ARHGEF10L: variants seen among roughly 807,000 people sequenced by gnomAD.
ARHGEF10L encodes rho guanine nucleotide exchange factor 10-like protein.
Under a neutral mutation model 141.2 loss-of-function variants are expected in ARHGEF10L, and 69 were observed. The observed-to-expected ratio is 0.49, with a 90% CI of 0.40 to 0.60. ARHGEF10L has a LOEUF of 0.60. Among genes scored for constraint, ARHGEF10L ranks in the 20% least tolerant of loss-of-function variants. The probability of loss-of-function intolerance (pLI) is 0.00; values close to 1 mark genes in which losing one functional copy is unlikely to be tolerated. For synonymous variants in ARHGEF10L, 711 were observed against 718.5 expected, an observed-to-expected ratio of 0.99 and a Z score of 0.17; for missense variants, 1,482 against 1,734.3, an observed-to-expected ratio of 0.85 and a Z score of 2.58.
Position 17,634,905 on chromosome 1 carries a change from C to T in ARHGEF10L, c.1816C>T (p.Pro606Ser), listed in dbSNP as rs2060910727. 6.2e-7 allele frequency: 1 copy of T among 1,614,068 alleles called. No individual in the cohort carries two copies. Among genetic ancestry groups the T allele is most frequent in the East Asian group, 2.2e-5 (1 of 44,860 alleles). The change falls in exon 18 of 29, where the codon CCC becomes TCC. Residue 606 changes from proline to serine, a missense_variant. By Grantham distance (74) the Pro-to-Ser change is moderately conservative (BLOSUM62 -1). Coordinates refer to ENST00000361221, the MANE Select transcript of ARHGEF10L (RefSeq NM_018125.4). ...TGTGGTGAAGTGGAACACGGCGCTG[C>T]CCCAGGTGCAGGTGGTGGAGGTGGG... ...KYVVKWNTAL[P>S]QVQVVEVGQD... is the part of the protein sequence containing the mutation.
intron 25 of ARHGEF10L, among the ~76,000 whole-genome samples, chr1:17,661,243 A>C (rs1054342615): frequency 6.6e-6 from 1 of 152,002 alleles, no homozygotes; most frequent in Non-Finnish European, 1.5e-5. Context: ...ACACCCAGCT[A>C]ATTTTTGTAT....
In ARHGEF10L at chr1:17,576,315, C is replaced by T. The variant is rs1173545871; in HGVS notation, c.-43-4238C>T. ...GACTAAATTAGCCAAGCCAGGAAGA[C>T]ACCTGCTGTGATGAGCTGGGCAGCT... On this transcript the variant is annotated intron_variant, in intron 1 of 28. Coordinates refer to ENST00000361221, the MANE Select transcript of ARHGEF10L (RefSeq NM_018125.4). Among the ~76,000 whole-genome samples, 4 of 152,166 alleles carry T rather than the reference C, an allele frequency of 2.6e-5. No individual in the cohort carries two copies. The East Asian group carries it at 7.8e-4, about 30-fold the overall frequency.
At chr1:17,664,388 T>C in intron 25 of ARHGEF10L, 59 bp from the exon 26 acceptor site, 1 of 1,564,190 alleles carries the variant, frequency 6.4e-7, no homozygotes, top group East Asian at 2.3e-5. Flanking sequence ...TGGCCTGCGT[T>C]CCCAGGAGAC....
intron 1 of ARHGEF10L, among the ~76,000 whole-genome samples, chr1:17,565,278 A>G (rs1002617343): frequency 6.6e-6 from 1 of 152,180 alleles, no homozygotes; most frequent in Non-Finnish European, 1.5e-5. Flanking sequence ...CTTGGGGGTG[A>G]GGTTTCCGCA....
chr1:17,693,545 A>T (rs529007947), intron 27 of ARHGEF10L, among the ~76,000 whole-genome samples: 1 of 152,312 alleles, frequency 6.6e-6, no homozygotes, highest in African/African-American at 2.4e-5. Context: ...GTCATGCCCA[A>T]GGAGGGAGAG....
chr1:17,578,485 G>A (rs946337971), intron 1 of ARHGEF10L, among the ~76,000 whole-genome samples: 7 of 152,116 alleles, frequency 4.6e-5, no homozygotes, highest in African/African-American at 1.7e-4. Context: ...AGGAGTTTGG[G>A]ACCAGCCTGG....
chr1:17,675,469 ACAGGTGTGTGTG>A (rs1417023512), intron 26 of ARHGEF10L, among the ~76,000 whole-genome samples: 4 of 146,110 alleles, frequency 2.7e-5, no homozygotes, highest in African/African-American at 5.1e-5. Flanking sequence ...AGGTGTGGGT[ACAGGTGTGTGTG>A]CAGGTGTGTG....
Position 17,656,010 on chromosome 1 carries a change from G to A in ARHGEF10L, c.2613G>A (p.Glu871=). 6.4e-7 allele frequency: 1 copy of A among 1,572,646 alleles called. No homozygotes were observed. The part of the protein sequence containing the change: ...VLCMEYIPEL[E]EEAESRDESP... ...GCATGGAGTATATCCCGGAGCTGGA[G>A]GAGGAGGCGGAGAGCAGAGACGAGA... The change falls in exon 24 of 29, where the codon GAG becomes GAA. Residue 871 remains glutamate (E), a synonymous_variant. Coordinates refer to ENST00000361221, the MANE Select transcript of ARHGEF10L (RefSeq NM_018125.4). This position sits in a 1 kb window ranked among gnomAD's most constrained non-coding sequence, Gnocchi z 4.9.
chr1:17,625,077 A>C lies in ARHGEF10L; in HGVS notation c.1317+574A>C, dbSNP rs915620124. On this transcript the variant is annotated intron_variant, in intron 13 of 28. Transcript: ENST00000361221. The surrounding 1 kb of genome is among the most constrained non-coding windows in gnomAD (Gnocchi z 4.5). ...GGGCTAGGTGCCAGGACACGCACAC[A>C]TGTGCCGGCAGCACAGGTTAGATGC... Among the ~76,000 whole-genome samples, 7 of 152,202 alleles carry C rather than the reference A, an allele frequency of 4.6e-5. No homozygotes were observed. Among genetic ancestry groups the C allele is most frequent in the African/African-American group, 1.4e-4 (6 of 41,444 alleles).
chr1:17,672,657 A>C (rs2063397331), intron 26 of ARHGEF10L, among the ~76,000 whole-genome samples: 1 of 152,058 alleles, frequency 6.6e-6, no homozygotes, highest in African/African-American at 2.4e-5. Context: ...TGAGAAATGG[A>C]TTTTCTAAAG....
chr1:17,640,109 G>T (rs1227790266), intron 20 of ARHGEF10L, 93 bp from the exon 21 acceptor site: 16 of 1,511,784 alleles, frequency 1.1e-5, no homozygotes, highest in Non-Finnish European at 1.3e-5. Flanking sequence ...GATCTCCAGG[G>T]CGCGTGGGTT....
intron 15 of ARHGEF10L, among the ~76,000 whole-genome samples, chr1:17,629,837 C>T (rs1009027872): frequency 3.3e-5 from 5 of 152,230 alleles, no homozygotes; most frequent in Non-Finnish European, 7.3e-5. Flanking sequence ...TCTTCGGTGA[C>T]CAAGAGGCTT....
intron 1 of ARHGEF10L, among the ~76,000 whole-genome samples, chr1:17,548,565 C>T (rs932013724): frequency 1.3e-5 from 2 of 151,872 alleles, no homozygotes; most frequent in Non-Finnish European, 1.5e-5. Flanking sequence ...AAATGTGTGC[C>T]CTGCTTTTAG....
Position 17,627,027 on chromosome 1 carries a change from C to T in ARHGEF10L, c.1411-303C>T, listed in dbSNP as rs575355613. On this transcript the variant is annotated intron_variant, in intron 14 of 28. Transcript: ENST00000361221. This position sits in a 1 kb window ranked among gnomAD's most constrained non-coding sequence, Gnocchi z 4.0. ...GTTAGTCTGTCGACGGACATTTTTG[C>T]CTCCACATTTTGGCGACTGTGGCTA... 7.2e-5 allele frequency among the ~76,000 whole-genome samples: 11 copies of T among 152,230 alleles called. No homozygotes were observed. Among genetic ancestry groups the T allele is most frequent in the Non-Finnish European group, 1.6e-4 (11 of 68,042 alleles).
intron 4 of ARHGEF10L, among the ~76,000 whole-genome samples, chr1:17,601,049 CA>C (rs55806926): frequency 4.7e-3 from 241 of 51,178 alleles, no homozygotes; most frequent in East Asian, 8.3e-3. Flanking sequence ...GGCTCTGTCT[CA>C]AAAAAAAAAA....
the ARHGEF10L span, among the ~76,000 whole-genome samples, chr1:17,513,576 G>A: frequency 1.3e-5 from 2 of 152,182 alleles, no homozygotes; most frequent in African/African-American, 4.8e-5. Flanking sequence ...ACAAAATGCA[G>A]GTTGGGGAGG....
chr1:17,692,862 G>A (rs74059629), intron 27 of ARHGEF10L, among the ~76,000 whole-genome samples: 3,524 of 152,222 alleles, frequency 0.023, 142 homozygotes, highest in African/African-American at 0.08. Context: ...TCTGCTCGGC[G>A]GACTGGATGA....
At chr1:17,588,352 GCCC>G in intron 3 of ARHGEF10L, 91 bp from the exon 4 acceptor site, 1 of 1,438,034 alleles carries the variant, frequency 7.0e-7, no homozygotes, top group Non-Finnish European at 9.7e-7. Context: ...TGTCTGCGGC[GCCC>G]CTGGGGAGGC....
chr1:17,617,160 G>A (rs772668597), intron 9 of ARHGEF10L, among the ~76,000 whole-genome samples: 1 of 152,244 alleles, frequency 6.6e-6, no homozygotes, highest in Non-Finnish European at 1.5e-5. Context: ...TGTCAGCCTT[G>A]CTGGGCATTT....
Sources: gnomAD v4.1 joint callset for allele counts (sites outside exome capture counted in the v4.1 genomes callset) on GRCh38, gnomAD v4.1.1 for gene constraint, Gnocchi (gnomAD v3.1) non-coding constraint, MANE v1.5 for transcripts, NCBI Gene and HGNC (gene_info 2026-07-23, HGNC 2026-07-21) for gene names.